Variants in VPS35 observed in about 807,000 individuals in gnomAD.
The protein encoded by VPS35 is vacuolar protein sorting-associated protein 35.
Under a neutral mutation model 98.1 loss-of-function variants are expected in VPS35, and 21 were observed. The observed-to-expected ratio is 0.21, with a 90% CI of 0.15 to 0.31. The LOEUF is 0.31. VPS35 is among the 10% of genes least tolerant of loss of function. The pLI is 1.00. For synonymous variants in VPS35, 268 were observed against 318.2 expected, an observed-to-expected ratio of 0.84 and a Z score of 1.68; for missense variants, 554 against 950.8, an observed-to-expected ratio of 0.58 and a Z score of 5.49.
At chr16:46,664,444 A>C (rs1965959085) in intron 13 of VPS35, among the ~76,000 whole-genome samples, 1 of 152,172 alleles carries the variant, frequency 6.6e-6, no homozygotes, top group African/African-American at 2.4e-5. Context: ...GGCGTGAGCC[A>C]CTGCATCTAG....
In VPS35 at chr16:46,689,116, C is replaced by A; in HGVS notation, c.3+15G>T. The stretch of plus-strand genomic sequence containing the variant: ...GGAGGGTCGACCCAGGTGCCACTGC[C>A]CCCTCAGCACTCACCATGGCGACTC... On this transcript the variant is annotated intron_variant, in intron 1 of 16. Transcript: ENST00000299138. 2 of 1,608,612 alleles carry A rather than the reference C, an allele frequency of 1.2e-6. No individual in the cohort carries two copies. The highest frequency in any genetic ancestry group is 1.1e-5 in the South Asian group (1 of 89,896).
At chr16:46,680,358 A>G (rs1356152160) in intron 5 of VPS35, among the ~76,000 whole-genome samples, 31 of 152,382 alleles carry the variant, frequency 2.0e-4, no homozygotes, top group Non-Finnish European at 2.9e-5. Flanking sequence ...TTACAAATTC[A>G]ATTTCCAAAT....
Position 46,660,451 on chromosome 16 carries a change from G to C in VPS35, c.*21C>G, listed in dbSNP as rs754730255. The C allele has an allele frequency of 1.9e-6, 3 of 1,612,426 alleles. No individual in the cohort carries two copies. Among genetic ancestry groups the C allele is most frequent in the Admixed American group, 3.3e-5 (2 of 59,998 alleles). Reference sequence around the variant, plus strand: ...CCTCACTGGATGTACATGGAAAGGAGTATGGTGAGCTATTTCCTTTTTAAA... The same window carrying C: ...CCTCACTGGATGTACATGGAAAGGACTATGGTGAGCTATTTCCTTTTTAAA... On this transcript the variant is annotated 3_prime_UTR_variant, in exon 17 of 17. Coordinates refer to ENST00000299138, the MANE Select transcript of VPS35 (RefSeq NM_018206.6).
At position 46,660,599 on chromosome 16, in the gene VPS35, G is replaced by C. The variant is rs80303950; in HGVS notation, c.2264C>G (p.Pro755Arg). 6.2e-7 allele frequency: 1 copy of C among 1,613,790 alleles called. No homozygotes were observed. The highest frequency in any genetic ancestry group is 8.5e-7 in the Non-Finnish European group (1 of 1,180,002). ...QLIQKIREDL[P>R]NLESSEETEQ... ...TGTTTCTTCACTGGATTCAAGATTC[G>C]GGAGGTCTTCTCGAATCTTTTGGAT... is the stretch of plus-strand genomic sequence containing the variant. Residue 755 changes from proline (P) to arginine (R), a missense_variant, in exon 17 of 17, where the codon CCG becomes CGG. Physicochemically the swap from Pro to Arg is moderately radical, Grantham distance 103. Transcript: ENST00000299138.
chr16:46,683,840 T>A (rs1966271830), intron 1 of VPS35, among the ~76,000 whole-genome samples: 1 of 152,200 alleles, frequency 6.6e-6, no homozygotes, highest in Non-Finnish European at 1.5e-5. Context: ...TTCTCCTGCC[T>A]CAGCCTCCTA....
At chr16:46,688,212 G>A (rs1055407300) in intron 1 of VPS35, 1 of 656,554 alleles carries the variant, frequency 1.5e-6, no homozygotes, top group Non-Finnish European at 1.9e-6. Context: ...TCTACACAGA[G>A]TGAGTAAGGT....
At chr16:46,674,721 T>G in intron 8 of VPS35, 61 bp from the exon 9 acceptor site, 1 of 1,327,854 alleles carries the variant, frequency 7.5e-7, no homozygotes, top group Non-Finnish European at 1.0e-6. Context: ...AGTGAGATCA[T>G]GGATGACATC....
In VPS35 at chr16:46,687,576, T is replaced by C. The variant is rs755792704; in HGVS notation, c.3+1555A>G. On this transcript the variant is annotated intron_variant, in intron 1 of 16. Coordinates refer to ENST00000299138, the MANE Select transcript of VPS35 (RefSeq NM_018206.6). ...CAAAGCACTGAGTTGACAATGTTAG[T>C]AAAGCAATCCACACACTGTATTACA... Among the ~76,000 whole-genome samples the C allele has an allele frequency of 3.9e-5, 6 of 152,156 alleles. 1 individual carries two copies. The highest frequency in any genetic ancestry group is 1.4e-4 in the African/African-American group (6 of 41,430).
At chr16:46,669,852 G>A (rs1208589957) in intron 12 of VPS35, among the ~76,000 whole-genome samples, 1 of 152,118 alleles carries the variant, frequency 6.6e-6, no homozygotes, top group Admixed American at 6.5e-5. Flanking sequence ...TGACACATGT[G>A]AAGGCTTACC....
chr16:46,681,032 T>TACACAC lies in VPS35; in HGVS notation c.324-185_324-180dup, dbSNP rs3040555. The stretch of plus-strand genomic sequence containing the variant: ...CACTGACTGACCTCTAAAAAAACTA[T>TACACAC]ACACACACACACACACACACACACA... On this transcript the variant is annotated intron_variant, in intron 4 of 16. Coordinates refer to ENST00000299138, the MANE Select transcript of VPS35 (RefSeq NM_018206.6). Among the ~76,000 whole-genome samples, 1,629 of 142,090 alleles carry TACACAC rather than the reference T, an allele frequency of 0.011. 20 individuals are homozygous for TACACAC. The highest frequency in any genetic ancestry group is 0.025 in the African/African-American group (969 of 39,012). The allele number at this position is 142,090 out of a possible 152,430, so 93.2% of individuals were successfully genotyped here.
chr16:46,680,897 A>C, intron 4 of VPS35, 44 bp from the exon 5 acceptor site: 1 of 1,574,492 alleles, frequency 6.4e-7, no homozygotes, highest in Non-Finnish European at 8.7e-7. Flanking sequence ...TAAAATATTC[A>C]AATCAAGAAT....
Position 46,660,384 on chromosome 16 carries a change from G to T in VPS35, c.*88C>A. On this transcript the variant is annotated 3_prime_UTR_variant, in exon 17 of 17. Transcript: ENST00000299138. ...ATGGGAAACCTACCTCAGCATTTCT[G>T]AAAGGCACAATCTATGGAAGGGAAA... The T allele has an allele frequency of 1.3e-6, 2 of 1,555,968 alleles. No homozygotes were observed. The highest frequency in any genetic ancestry group is 1.8e-6 in the Non-Finnish European group (2 of 1,138,806).
intron 13 of VPS35, among the ~76,000 whole-genome samples, chr16:46,666,206 G>A (rs1331588644): frequency 6.6e-6 from 1 of 151,044 alleles, no homozygotes; most frequent in Admixed American, 6.6e-5. Flanking sequence ...ACCCAGCCCT[G>A]CCCTAGCCTC....
chr16:46,683,286 T>A (rs1160368381), intron 2 of VPS35: 2 of 583,356 alleles, frequency 3.4e-6, no homozygotes, highest in Non-Finnish European at 3.1e-6. Flanking sequence ...TGTATTCTAG[T>A]AGGGAAGACA....
chr16:46,663,290 T>C, intron 13 of VPS35, 128 bp from the exon 14 acceptor site: 2 of 847,528 alleles, frequency 2.4e-6, no homozygotes, highest in Non-Finnish European at 3.7e-6. Context: ...CTTCTCTGTT[T>C]CAGTTATAGG....
At chr16:46,685,401 T>C (rs1171061404) in intron 1 of VPS35, among the ~76,000 whole-genome samples, 1 of 152,208 alleles carries the variant, frequency 6.6e-6, no homozygotes, top group African/African-American at 2.4e-5. Flanking sequence ...AACTTTCTCT[T>C]GTTCTAACTT....
At chr16:46,665,276 GCAATCAGTTCTTTT>G (rs1348890969) in intron 13 of VPS35, among the ~76,000 whole-genome samples, 1 of 152,148 alleles carries the variant, frequency 6.6e-6, no homozygotes, top group Non-Finnish European at 1.5e-5. Flanking sequence ...TCTTGTTAAA[GCAATCAGTTCTTTT>G]CATTTTTAAA....
chr16:46,666,737 G>C (rs536763420), intron 13 of VPS35, among the ~76,000 whole-genome samples: 45 of 152,068 alleles, frequency 3.0e-4, no homozygotes, highest in Non-Finnish European at 6.0e-4. Flanking sequence ...GTCATAAATG[G>C]CAAGATTTTC....
At position 46,661,225 on chromosome 16, in the gene VPS35, AATTATT is replaced by A. The variant is rs748277672; in HGVS notation, c.2211+487_2211+492del. The stretch of plus-strand genomic sequence containing the variant: ...TTGCTAAAAGGATACTGCGTTTAGG[AATTATT>A]ATTATTATTATTTTTGAGACGGAGT... On this transcript the variant is annotated intron_variant, in intron 16 of 16. Coordinates refer to ENST00000299138, the MANE Select transcript of VPS35 (RefSeq NM_018206.6). The surrounding 1 kb of genome is among the most constrained non-coding windows in gnomAD (Gnocchi z 4.3). Among the ~76,000 whole-genome samples the A allele has an allele frequency of 6.6e-5, 10 of 152,022 alleles. No homozygotes were observed. The highest frequency in any genetic ancestry group is 1.7e-4 in the African/African-American group (7 of 41,400).
Sources: gnomAD v4.1 joint callset for allele counts (sites outside exome capture counted in the v4.1 genomes callset) on GRCh38, gnomAD v4.1.1 for gene constraint, Gnocchi (gnomAD v3.1) non-coding constraint, MANE v1.5 for transcripts, NCBI Gene and HGNC (gene_info 2026-07-23, HGNC 2026-07-21) for gene names.